Variants in UTS2B observed in about 807,000 individuals in gnomAD.
UTS2B encodes the protein urotensin 2B, also known as urotensin-2B.
Under a neutral mutation model 19.2 loss-of-function variants are expected in UTS2B, and 21 were observed. The ratio of observed to expected loss-of-function variants is 1.09; its 90% CI spans 0.78 to 1.58. UTS2B has a LOEUF of 1.58. Ranked by LOEUF, UTS2B falls within the 40% of genes most tolerant of loss-of-function variation. The probability of loss-of-function intolerance (pLI) is 0.00; values close to 1 mark genes in which losing one functional copy is unlikely to be tolerated. For missense variants in UTS2B, 138 were observed against 130.3 expected (o/e 1.06, Z -0.29); for synonymous variants, 57 against 50.2 (o/e 1.14, Z -0.58).
At chr3:191,330,988 G>A (rs1260718345), upstream of UTS2B, among the ~76,000 whole-genome samples, 1 of 152,162 alleles carries the variant, frequency 6.6e-6, no homozygotes, top group East Asian at 1.9e-4. Flanking sequence ...CTTTGATGAA[G>A]ACTTAGGGCT....
intron 1 of UTS2B, chr3:191,329,091 A>G (rs1717836120): frequency 6.5e-6 from 1 of 152,912 alleles, no homozygotes; most frequent in Admixed American, 6.5e-5. Context: ...CACGGGAAAG[A>G]CTATGTTTTA....
chr3:191,302,761 G>C (rs1717036515), intron 4 of UTS2B, among the ~76,000 whole-genome samples: 1 of 152,218 alleles, frequency 6.6e-6, no homozygotes, highest in Non-Finnish European at 1.5e-5. Context: ...TTGGGACTCA[G>C]AAAAATTATG....
chr3:191,290,801 C>CTAT (rs1485802901), intron 4 of UTS2B, among the ~76,000 whole-genome samples: 1 of 152,214 alleles, frequency 6.6e-6, no homozygotes, highest in Non-Finnish European at 1.5e-5. Context: ...TTGCATCTGA[C>CTAT]TATTTCTCAC....
intron 4 of UTS2B, among the ~76,000 whole-genome samples, chr3:191,290,286 A>G (rs1468140282): frequency 2.0e-5 from 3 of 152,228 alleles, no homozygotes; most frequent in African/African-American, 7.2e-5. Flanking sequence ...TTGGATGGAT[A>G]AATGAAGTTA....
intron 2 of UTS2B, among the ~76,000 whole-genome samples, chr3:191,320,585 C>T (rs1717587201): frequency 6.6e-6 from 1 of 152,178 alleles, no homozygotes; most frequent in Admixed American, 6.5e-5. Context: ...AACCAAGAAA[C>T]TGCGAAGGAG....
At chr3:191,310,081 G>C (rs1275590676) in intron 3 of UTS2B, among the ~76,000 whole-genome samples, 1 of 151,872 alleles carries the variant, frequency 6.6e-6, no homozygotes, top group East Asian at 1.9e-4. Context: ...TCCTGCCTCA[G>C]CCATCCCAGT....
chr3:191,341,929 G>A, the UTS2B span, among the ~76,000 whole-genome samples: 1 of 152,094 alleles, frequency 6.6e-6, no homozygotes, highest in Admixed American at 6.6e-5. Flanking sequence ...TTATTTTTAT[G>A]TAAGCTTACT....
chr3:191,337,592 C>G, the UTS2B span, among the ~76,000 whole-genome samples: 2 of 152,054 alleles, frequency 1.3e-5, no homozygotes, highest in African/African-American at 4.8e-5. Context: ...ATCCGCCCAT[C>G]TCGGCCTCCC....
intron 4 of UTS2B, among the ~76,000 whole-genome samples, chr3:191,302,164 C>T (rs1717022221): frequency 6.6e-6 from 1 of 152,198 alleles, no homozygotes; most frequent in African/African-American, 2.4e-5. Flanking sequence ...TCACCTCCGG[C>T]CATCCTCACT....
intron 4 of UTS2B, among the ~76,000 whole-genome samples, chr3:191,302,593 C>A (rs293862): frequency 0.64 from 97,064 of 151,982 alleles, 31,308 homozygotes; most frequent in African/African-American, 0.74. Context: ...ATAATTTATA[C>A]CTCCTGCCTG....
At chr3:191,282,019 A>G (rs1216670909) in intron 5 of UTS2B, 68 bp downstream of exon 5, 6 of 1,167,692 alleles carry the variant, frequency 5.1e-6, no homozygotes, top group Non-Finnish European at 3.7e-6. Context: ...AGAAAAATCA[A>G]ATTTGTTCAA....
At position 191,329,951 on chromosome 3, in the gene UTS2B, G is replaced by C. The variant is rs530173086; in HGVS notation, c.-665+463C>G. Among the ~76,000 whole-genome samples the C allele has an allele frequency of 0.015, 2,090 of 137,312 alleles. 80 individuals are homozygous for C. The highest frequency in any genetic ancestry group is 0.054 in the African/African-American group (1,971 of 36,560). 90.1% of individuals were successfully genotyped at this position (137,312 alleles called of 152,430 possible). A position where few individuals can be genotyped will look rare whatever the true frequency, so the allele number is the denominator to read the frequency against. ...TTCTCAAGGGGGTGGTTGGGGGGGG[G>C]GGGGGCTAGCAGCAGCCCCAGCAAG... On this transcript the variant is annotated intron_variant, in intron 1 of 8. Coordinates refer to ENST00000340524, the MANE Select transcript of UTS2B (RefSeq NM_198152.5).
At chr3:191,295,417 A>G (rs1192277814) in intron 4 of UTS2B, among the ~76,000 whole-genome samples, 3 of 151,878 alleles carry the variant, frequency 2.0e-5, no homozygotes, top group African/African-American at 4.9e-5. Context: ...TTTCCTGGTT[A>G]TACTTTTTCG....
At chr3:191,332,380 A>G (rs188339961), upstream of UTS2B, among the ~76,000 whole-genome samples, 172 of 152,328 alleles carry the variant, frequency 1.1e-3, 1 homozygote, top group African/African-American at 3.9e-3. Flanking sequence ...TTGAGTTCAT[A>G]TGTAGGTGAA....
chr3:191,282,703 T>C (rs1716424963), intron 4 of UTS2B, among the ~76,000 whole-genome samples: 1 of 152,226 alleles, frequency 6.6e-6, no homozygotes, highest in Non-Finnish European at 1.5e-5. Context: ...GTCTTCCTGA[T>C]AGTGATGTTA....
At chr3:191,338,835 G>A in the UTS2B span, among the ~76,000 whole-genome samples, 1 of 152,208 alleles carries the variant, frequency 6.6e-6, no homozygotes, top group Admixed American at 6.5e-5. Context: ...GGAGGCAACA[G>A]TCTTACTTGT....
intron 4 of UTS2B, among the ~76,000 whole-genome samples, chr3:191,289,147 C>T (rs1000305029): frequency 1.3e-5 from 2 of 152,082 alleles, no homozygotes; most frequent in Admixed American, 6.6e-5. Context: ...CAGTGGCTCA[C>T]GCCTGTAATC....
At chr3:191,344,409 G>T in the UTS2B span, among the ~76,000 whole-genome samples, 3 of 152,160 alleles carry the variant, frequency 2.0e-5, no homozygotes, top group Non-Finnish European at 4.4e-5. Context: ...AAACTGAGGA[G>T]ATCTGAATTT....
the UTS2B span, among the ~76,000 whole-genome samples, chr3:191,344,864 C>A: frequency 6.6e-6 from 1 of 152,360 alleles, no homozygotes; most frequent in African/African-American, 2.4e-5. Flanking sequence ...CAGGCGTGAG[C>A]CACCATGCCC....
Sources: gnomAD v4.1 joint callset for allele counts (sites outside exome capture counted in the v4.1 genomes callset) on GRCh38, gnomAD v4.1.1 for gene constraint, MANE v1.5 for transcripts, NCBI Gene and HGNC (gene_info 2026-07-23, HGNC 2026-07-21) for gene names.